MYO18B: variants seen among roughly 807,000 people sequenced by gnomAD.
The protein encoded by MYO18B is myosin XVIIIB, also known as unconventional myosin-XVIIIb.
In MYO18B, 204 loss-of-function variants were observed where a neutral mutation model predicts 273.0. The observed-to-expected ratio is 0.75, with a 90% CI of 0.67 to 0.84. MYO18B has a LOEUF of 0.84. Ranked by LOEUF, MYO18B falls within the 40% of genes least tolerant of loss-of-function variation. MYO18B has a pLI of 0.00. For missense variants in MYO18B, 3,212 were observed against 3,287.6 expected (o/e 0.98, Z 0.56); for synonymous variants, 1,330 against 1,305.7 (o/e 1.02, Z -0.40).
chr22:25,865,704 G>C (rs183070287), intron 21 of MYO18B, among the ~76,000 whole-genome samples: 27 of 152,118 alleles, frequency 1.8e-4, no homozygotes, highest in African/African-American at 6.0e-4. Context: ...ACCAAGATCT[G>C]AACCCAGATG....
intron 16 of MYO18B, 43 bp from the exon 17 acceptor site, chr22:25,835,253 A>G (rs1389438987): frequency 6.3e-7 from 1 of 1,592,206 alleles, no homozygotes; most frequent in African/African-American, 1.3e-5. Context: ...CAGGCTTCTG[A>G]TGGGTATCAG....
chr22:25,893,715 T>C (rs905469668), intron 27 of MYO18B, among the ~76,000 whole-genome samples: 7 of 152,118 alleles, frequency 4.6e-5, no homozygotes, highest in African/African-American at 7.2e-5. Flanking sequence ...GAAATCTCTA[T>C]TGAGGTCACC....
chr22:25,791,404 G>T (rs1316918191), intron 11 of MYO18B, among the ~76,000 whole-genome samples: 1 of 152,002 alleles, frequency 6.6e-6, no homozygotes, highest in East Asian at 1.9e-4. Context: ...GTGTGGCGCT[G>T]GCCGGGTCCT....
At chr22:26,034,948 G>A (rs1465316904), downstream of MYO18B, among the ~76,000 whole-genome samples, 1 of 152,202 alleles carries the variant, frequency 6.6e-6, no homozygotes, top group African/African-American at 2.4e-5. Context: ...GAATGGGATA[G>A]GCAAAGGCCC....
intron 34 of MYO18B, among the ~76,000 whole-genome samples, chr22:25,936,393 G>A (rs979018408): frequency 8.5e-5 from 13 of 152,138 alleles, no homozygotes; most frequent in African/African-American, 3.1e-4. Context: ...TAAGACAAGT[G>A]AAAGGAGGCC....
intron 2 of MYO18B, among the ~76,000 whole-genome samples, chr22:25,761,947 C>A (rs2086335195): frequency 6.6e-6 from 1 of 152,074 alleles, no homozygotes. Context: ...CATAGTGAAA[C>A]CACGTCTCTA....
chr22:25,985,540 A>G (rs558517096), intron 39 of MYO18B, among the ~76,000 whole-genome samples: 1 of 152,226 alleles, frequency 6.6e-6, no homozygotes, highest in African/African-American at 2.4e-5. Context: ...TCCTTTCCCA[A>G]AGTGGAGCTT....
intron 12 of MYO18B, among the ~76,000 whole-genome samples, chr22:25,809,856 G>A (rs1346749984): frequency 2.6e-5 from 4 of 151,572 alleles, no homozygotes; most frequent in African/African-American, 9.7e-5. Flanking sequence ...GTAACAGAGG[G>A]ACTGTTAACA....
chr22:25,756,593 C>T (rs114636575), intron 1 of MYO18B: 2 of 152,368 alleles, frequency 1.3e-5, no homozygotes, highest in African/African-American at 4.8e-5. Context: ...GAGATGTTCA[C>T]AATGGACTCT....
chr22:25,802,040 T>C (rs1438923369), intron 12 of MYO18B, among the ~76,000 whole-genome samples: 1 of 152,182 alleles, frequency 6.6e-6, no homozygotes, highest in African/African-American at 2.4e-5. Flanking sequence ...ACACAGACCC[T>C]GCAGGTTAAG....
intron 1 of MYO18B, among the ~76,000 whole-genome samples, chr22:25,750,545 G>A (rs1211036782): frequency 2.0e-5 from 3 of 152,162 alleles, no homozygotes; most frequent in African/African-American, 7.2e-5. Context: ...GAGCATCTAA[G>A]CTCCATGCTG....
At chr22:25,754,741 G>A (rs760100426) in intron 1 of MYO18B, among the ~76,000 whole-genome samples, 33 of 152,226 alleles carry the variant, frequency 2.2e-4, no homozygotes, top group Non-Finnish European at 4.0e-4. Flanking sequence ...CCTCCCCGGC[G>A]GGATTGGCTC....
intron 39 of MYO18B, among the ~76,000 whole-genome samples, chr22:25,990,040 TC>T (rs2093247561): frequency 6.6e-6 from 1 of 152,192 alleles, no homozygotes; most frequent in African/African-American, 2.4e-5. Context: ...CAGCTCCTTC[TC>T]ATGCCACCAC....
chr22:25,813,872 C>T lies in MYO18B; in HGVS notation c.2522-9633C>T, dbSNP rs375193550. On this transcript the variant is annotated intron_variant, in intron 12 of 43. Transcript: ENST00000335473. ...CCCATTCTGCCCAAATGCCTTCCCA[C>T]GGCTGCAGACCCTGCATCCTCCTCC... Among the ~76,000 whole-genome samples, 236 of 152,276 alleles carry T rather than the reference C, an allele frequency of 1.5e-3. 9 individuals are homozygous for T. In the South Asian group the frequency reaches 0.043, roughly 28 times the overall value.
At chr22:25,815,667 G>C (rs2088968698) in intron 12 of MYO18B, among the ~76,000 whole-genome samples, 1 of 152,038 alleles carries the variant, frequency 6.6e-6, no homozygotes, top group Admixed American at 6.6e-5. Context: ...TTCTCCTCCA[G>C]CTTCTTGATC....
intron 34 of MYO18B, among the ~76,000 whole-genome samples, chr22:25,938,780 G>A (rs1196680197): frequency 6.6e-6 from 1 of 152,142 alleles, no homozygotes; most frequent in African/African-American, 2.4e-5. Flanking sequence ...GAACCACTTT[G>A]ATCCAACTTT....
the MYO18B span, among the ~76,000 whole-genome samples, chr22:26,039,972 A>G: frequency 2.0e-5 from 3 of 152,174 alleles, no homozygotes; most frequent in Admixed American, 2.0e-4. Context: ...CTACAGGTGC[A>G]TGATACCAAC....
chr22:25,879,504 T>C (rs2091283696), intron 25 of MYO18B, among the ~76,000 whole-genome samples: 1 of 152,112 alleles, frequency 6.6e-6, no homozygotes, highest in Non-Finnish European at 1.5e-5. Context: ...GAAGGTTATG[T>C]TGGTTGAATG....
At chr22:25,811,403 T>TTCCCAGCAGCCCCCAGTGAGGGCG (rs1429576197) in intron 12 of MYO18B, among the ~76,000 whole-genome samples, 1 of 152,194 alleles carries the variant, frequency 6.6e-6, no homozygotes, top group African/African-American at 2.4e-5. Flanking sequence ...CATGAAACCT[T>TTCCCAGCAGCCCCCAGTGAGGGCG]TCCCAGCAGC....
Sources: allele counts gnomAD v4.1 joint callset (sites outside exome capture counted in the v4.1 genomes callset), GRCh38; gene constraint gnomAD v4.1.1; transcripts MANE v1.5; gene names NCBI Gene and HGNC (gene_info 2026-07-23, HGNC 2026-07-21).